Variants in TENM3 observed in about 807,000 individuals in gnomAD.
The protein encoded by TENM3 is teneurin transmembrane protein 3, also known as teneurin-3.
Under a neutral mutation model 255.1 loss-of-function variants are expected in TENM3, and 63 were observed. That is an observed-to-expected ratio of 0.25 (90% CI 0.20 to 0.30). TENM3 has a LOEUF of 0.30. Among genes scored for constraint, TENM3 ranks in the 10% least tolerant of loss-of-function variants. The pLI is 1.00. For missense variants in TENM3, 2,929 were observed against 3,461.1 expected, an observed-to-expected ratio of 0.85 and a Z score of 3.86; for synonymous variants, 1,306 against 1,322.3, an observed-to-expected ratio of 0.99 and a Z score of 0.27.
chr4:182,648,258 G>T (rs1385917169), intron 5 of TENM3, among the ~76,000 whole-genome samples: 2 of 151,200 alleles, frequency 1.3e-5, no homozygotes, highest in African/African-American at 2.4e-5. Flanking sequence ...TTTTAGCTAT[G>T]CTGGGTGTTA....
chr4:181,568,295 C>T, the TENM3 span, among the ~76,000 whole-genome samples: 2 of 151,784 alleles, frequency 1.3e-5, no homozygotes, highest in African/African-American at 4.8e-5. Flanking sequence ...TCCCGAGTAG[C>T]TGAGATTACA....
At chr4:181,466,203 C>T in the TENM3 span, among the ~76,000 whole-genome samples, 16 of 151,670 alleles carry the variant, frequency 1.1e-4, no homozygotes, top group South Asian at 2.7e-3. Flanking sequence ...CTGCAACCTC[C>T]GCCTCACTGG....
the TENM3 span, among the ~76,000 whole-genome samples, chr4:181,453,657 C>G: frequency 6.6e-6 from 1 of 152,102 alleles, no homozygotes; most frequent in Admixed American, 6.6e-5. Flanking sequence ...ATGTACTGGA[C>G]CGAAGGTGGA....
the TENM3 span, among the ~76,000 whole-genome samples, chr4:182,049,127 G>T: frequency 6.6e-6 from 1 of 152,220 alleles, no homozygotes; most frequent in Non-Finnish European, 1.5e-5. Flanking sequence ...GCTGGCTTCT[G>T]TGTGTGTCTC....
At chr4:182,030,234 C>G in the TENM3 span, among the ~76,000 whole-genome samples, 3 of 151,974 alleles carry the variant, frequency 2.0e-5, no homozygotes, top group Non-Finnish European at 2.9e-5. Flanking sequence ...CTCTCTCCCC[C>G]CACCCCACCC....
At chr4:182,422,004 G>GA (rs1044221941) in intron 3 of TENM3, among the ~76,000 whole-genome samples, 4 of 151,746 alleles carry the variant, frequency 2.6e-5, no homozygotes, top group Non-Finnish European at 4.4e-5. Context: ...ACTGTGGTTA[G>GA]AAAAAAAACT....
the TENM3 span, among the ~76,000 whole-genome samples, chr4:181,936,715 C>T: frequency 1.9e-4 from 29 of 151,718 alleles, no homozygotes; most frequent in African/African-American, 5.8e-4. Flanking sequence ...ATTATGGAAA[C>T]GAAGAGCAGA....
At chr4:182,646,169 C>T (rs2152501561) in intron 5 of TENM3, among the ~76,000 whole-genome samples, 1 of 152,098 alleles carries the variant, frequency 6.6e-6, no homozygotes, top group East Asian at 1.9e-4. Context: ...CTACTTTTGC[C>T]CACATTTCTT....
chr4:182,728,929 G>A (rs778753489), intron 13 of TENM3, 36 bp from the exon 14 acceptor site: 2 of 1,572,814 alleles, frequency 1.3e-6, no homozygotes, highest in Non-Finnish European at 1.7e-6. Context: ...GCATCAAAAG[G>A]AAAATTCTCT....
At chr4:182,027,036 G>T in the TENM3 span, among the ~76,000 whole-genome samples, 9 of 152,162 alleles carry the variant, frequency 5.9e-5, no homozygotes, top group South Asian at 1.5e-3. Flanking sequence ...TGAATCTATA[G>T]ATTGCTTTGG....
Position 182,793,557 on chromosome 4 carries a change from A to T in TENM3, c.6885A>T (p.Ala2295=), listed in dbSNP as rs377395756. The T allele has an allele frequency of 6.2e-7, 1 of 1,613,974 alleles. No homozygotes were observed. The highest frequency in any genetic ancestry group is 1.1e-5 in the South Asian group (1 of 91,092). ...EISSGDEFYI[A]SDNTGTPLAV... is the part of the protein sequence containing the mutation. The stretch of plus-strand genomic sequence containing the variant: ...GCAGTGGGGATGAATTCTATATTGC[A>T]TCGGATAACACAGGGACACCACTGG... The change falls in exon 26 of 28, where the codon GCA becomes GCT. Residue 2295 remains alanine (A), a synonymous_variant. Coordinates refer to ENST00000511685, the MANE Select transcript of TENM3 (RefSeq NM_001080477.4). This position sits in a 1 kb window ranked among gnomAD's most constrained non-coding sequence, Gnocchi z 5.7.
the TENM3 span, among the ~76,000 whole-genome samples, chr4:181,742,089 A>G: frequency 6.6e-6 from 1 of 152,022 alleles, no homozygotes; most frequent in Non-Finnish European, 1.5e-5. Context: ...GCAATTCCTT[A>G]CTCCACTACT....
At chr4:181,757,976 C>T in the TENM3 span, among the ~76,000 whole-genome samples, 10 of 152,194 alleles carry the variant, frequency 6.6e-5, no homozygotes, top group South Asian at 1.4e-3. Context: ...TCTACAATTA[C>T]GACCAGTGAC....
chr4:182,089,541 A>G, the TENM3 span, among the ~76,000 whole-genome samples: 1 of 152,212 alleles, frequency 6.6e-6, no homozygotes, highest in African/African-American at 2.4e-5. Context: ...ATAATTAACA[A>G]GAGGCTAATA....
intron 3 of TENM3, among the ~76,000 whole-genome samples, chr4:182,429,499 A>G (rs867599574): frequency 9.8e-5 from 15 of 152,354 alleles, no homozygotes; most frequent in Middle Eastern, 3.4e-3. Context: ...TATCACAGCT[A>G]TATTTAAAAT....
At chr4:181,539,566 T>C in the TENM3 span, among the ~76,000 whole-genome samples, 3 of 152,322 alleles carry the variant, frequency 2.0e-5, no homozygotes, top group East Asian at 3.9e-4. Flanking sequence ...ACATTAAGCA[T>C]TTTTGTTGTC....
chr4:182,272,682 C>T (rs62354207), intron 1 of TENM3, among the ~76,000 whole-genome samples: 14,904 of 152,152 alleles, frequency 0.098, 982 homozygotes, highest in Middle Eastern at 0.22. Flanking sequence ...ATTTGTTGAA[C>T]GTTTATGGAG....
At chr4:181,734,893 T>G in the TENM3 span, among the ~76,000 whole-genome samples, 3 of 152,106 alleles carry the variant, frequency 2.0e-5, no homozygotes, top group African/African-American at 7.2e-5. Context: ...TTTTCAAATG[T>G]CATGACATTA....
chr4:181,740,189 C>G, the TENM3 span, among the ~76,000 whole-genome samples: 17 of 151,806 alleles, frequency 1.1e-4, no homozygotes, highest in Middle Eastern at 3.4e-3. Context: ...GGTTTAGTAG[C>G]CTGAAATAAA....
Sources: allele counts gnomAD v4.1 joint callset (sites outside exome capture counted in the v4.1 genomes callset), GRCh38; gene constraint gnomAD v4.1.1; non-coding constraint Gnocchi (gnomAD v3.1); transcripts MANE v1.5; gene names NCBI Gene and HGNC (gene_info 2026-07-23, HGNC 2026-07-21).